Variants in SLC7A8 observed in about 807,000 individuals in gnomAD.
The protein encoded by SLC7A8 is solute carrier family 7 member 8, also known as large neutral amino acids transporter small subunit 2.
A neutral mutation model predicts 51.2 loss-of-function variants in SLC7A8; 30 were observed. The ratio of observed to expected loss-of-function variants is 0.59; its 90% CI spans 0.44 to 0.80. SLC7A8 has a LOEUF of 0.80. Among genes scored for constraint, SLC7A8 ranks in the 30% least tolerant of loss-of-function variants. The pLI is 0.00. For synonymous variants in SLC7A8, 257 were observed against 275.8 expected (o/e 0.93, Z 0.67); for missense variants, 612 against 674.4 (o/e 0.91, Z 1.03).
Position 23,182,911 on chromosome 14 carries a change from C to T in SLC7A8, c.4G>A (p.Glu2Lys), listed in dbSNP as rs754327496. 20 of 1,614,016 alleles carry T rather than the reference C, an allele frequency of 1.2e-5. No homozygotes were observed. The highest frequency in any genetic ancestry group is 1.7e-5 in the Non-Finnish European group (20 of 1,180,016). The change falls in exon 1 of 11, where the codon GAA (glutamate) becomes AAA (lysine). Residue 2 changes from glutamate to lysine, a missense_variant. By Grantham distance (56) the Glu-to-Lys change is moderately conservative. Transcript: ENST00000316902. ...TTGTTTCGGTGCCTGGCTCCTTCTT[C>T]CATCCTTCTCAGTAGGATTGCAACC... Reference protein sequence around the residue: MEEGARHRNNTE... With the variant: MKEGARHRNNTE...
chr14:23,128,345 C>T lies in SLC7A8; in HGVS notation c.1264-149G>A. ...TCCCTCGGCTCTGTGGTCCCACACT[C>T]ACCCCTGGTAGGGCAGGGGCTATAT... On this transcript the variant is annotated intron_variant, in intron 9 of 10. Transcript: ENST00000316902. This position sits in a 1 kb window ranked among gnomAD's most constrained non-coding sequence, Gnocchi z 4.3. 6.5e-7 allele frequency: 1 copy of T among 1,539,964 alleles called. No homozygotes were observed. The highest frequency in any genetic ancestry group is 1.4e-5 in the African/African-American group (1 of 73,182).
intron 7 of SLC7A8, among the ~76,000 whole-genome samples, chr14:23,135,046 C>T (rs2048675946): frequency 1.3e-5 from 2 of 152,132 alleles, no homozygotes; most frequent in Non-Finnish European, 2.9e-5. Context: ...GGATTACAGG[C>T]GTGAGCCACC....
chr14:23,127,035 C>CAT lies in SLC7A8; in HGVS notation c.*141_*142insAT. 1 of 974,606 alleles carries CAT rather than the reference C, an allele frequency of 1.0e-6. No individual in the cohort carries two copies. Among genetic ancestry groups the CAT allele is most frequent in the Non-Finnish European group, 1.5e-6 (1 of 678,396 alleles). 60.4% of individuals were successfully genotyped at this position (974,606 alleles called of 1,614,324 possible). ...ATGTCAGTTTTTGTTTACAATTTCT[C>CAT]ACCACCCACACCAAAGTCCTACCAC... On this transcript the variant is annotated 3_prime_UTR_variant, in exon 11 of 11. Coordinates refer to ENST00000316902, the MANE Select transcript of SLC7A8 (RefSeq NM_012244.4).
intron 1 of SLC7A8, among the ~76,000 whole-genome samples, chr14:23,172,912 A>ATT (rs3831862): frequency 2.0e-5 from 3 of 148,808 alleles, no homozygotes; most frequent in African/African-American, 7.4e-5. Flanking sequence ...AGCCTGGATG[A>ATT]TTTTTTTTTT....
chr14:23,143,242 G>A, intron 3 of SLC7A8, 38 bp from the exon 4 acceptor site: 4 of 1,609,420 alleles, frequency 2.5e-6, no homozygotes, highest in Non-Finnish European at 3.4e-6. Flanking sequence ...TTCAGGGGCT[G>A]TATCTGGCTG....
chr14:23,154,405 C>T, intron 3 of SLC7A8: 1 of 995,458 alleles, frequency 1.0e-6, no homozygotes. Flanking sequence ...GAGGTTGGAG[C>T]CGCTGGGCAG....
intron 7 of SLC7A8, among the ~76,000 whole-genome samples, chr14:23,134,437 C>CAAAAAAAA (rs57162273): frequency 4.8e-4 from 31 of 64,168 alleles, no homozygotes; most frequent in African/African-American, 7.0e-4. Context: ...ACCCTGTCTC[C>CAAAAAAAA]AAAAAAAAAA....
chr14:23,155,233 C>T (rs1210105687), intron 3 of SLC7A8: 2 of 1,535,968 alleles, frequency 1.3e-6, no homozygotes, highest in African/African-American at 1.4e-5. Context: ...GGAAGGGCCT[C>T]TCTCTTCCAA....
intron 1 of SLC7A8, among the ~76,000 whole-genome samples, chr14:23,181,498 C>T (rs1426109606): frequency 1.3e-5 from 2 of 152,036 alleles, no homozygotes; most frequent in African/African-American, 4.8e-5. Context: ...AGAGCTTGGT[C>T]ACTGAAGTTC....
intron 3 of SLC7A8, among the ~76,000 whole-genome samples, chr14:23,148,133 A>G (rs2048814351): frequency 6.6e-6 from 1 of 152,230 alleles, no homozygotes; most frequent in African/African-American, 2.4e-5. Context: ...AGTTGAAGGC[A>G]GAATTATGGC....
Position 23,171,364 on chromosome 14 carries a change from T to G in SLC7A8, c.152-4824A>C, listed in dbSNP as rs372702458. Among the ~76,000 whole-genome samples the G allele has an allele frequency of 5.9e-5, 9 of 152,294 alleles. No individual in the cohort carries two copies. The East Asian group carries it at 1.5e-3, about 26-fold the overall frequency. On this transcript the variant is annotated intron_variant, in intron 1 of 10. Coordinates refer to ENST00000316902, the MANE Select transcript of SLC7A8 (RefSeq NM_012244.4). ...GTTGTCTCAATGGGCAAGTCTTCAC[T>G]AGAAAAATTGCCGGAATTGAGAAAA...
intron 1 of SLC7A8, among the ~76,000 whole-genome samples, chr14:23,170,724 G>T (rs1202686563): frequency 6.6e-6 from 1 of 152,060 alleles, no homozygotes; most frequent in East Asian, 1.9e-4. Context: ...CTCCCAAAGT[G>T]CTGGGATTAC....
At chr14:23,133,462 GAGAA>G (rs2048659758) in intron 7 of SLC7A8, among the ~76,000 whole-genome samples, 1 of 143,162 alleles carries the variant, frequency 7.0e-6, no homozygotes, top group Non-Finnish European at 1.5e-5. Flanking sequence ...AAAAAAAAAA[GAGAA>G]AGAAAAAATT....
Position 23,127,087 on chromosome 14 carries a change from G to A in SLC7A8, c.*90C>T, listed in dbSNP as rs1313635097. The A allele has an allele frequency of 1.4e-6, 2 of 1,459,924 alleles. No individual in the cohort carries two copies. Among genetic ancestry groups the A allele is most frequent in the Admixed American group, 1.7e-5 (1 of 57,560 alleles). The allele number at this position is 1,459,924 out of a possible 1,614,324, so 90.4% of individuals were successfully genotyped here. ...GCCTGACAAAAGCAGAGAGAGGGGT[G>A]TGTGTGTACTCGCATGTGTTGGCAG... On this transcript the variant is annotated 3_prime_UTR_variant, in exon 11 of 11. Transcript: ENST00000316902.
At chr14:23,173,131 C>G (rs1382040847) in intron 1 of SLC7A8, among the ~76,000 whole-genome samples, 1 of 152,156 alleles carries the variant, frequency 6.6e-6, no homozygotes, top group Non-Finnish European at 1.5e-5. Flanking sequence ...TCAATACTCA[C>G]CATGTACTAG....
chr14:23,146,367 A>C (rs1293982898), intron 3 of SLC7A8, among the ~76,000 whole-genome samples: 2 of 152,166 alleles, frequency 1.3e-5, no homozygotes, highest in African/African-American at 4.8e-5. Flanking sequence ...AGGACAACTC[A>C]AAGAAATTCC....
At position 23,128,509 on chromosome 14, in the gene SLC7A8, G is replaced by A; in HGVS notation, c.1264-313C>T. The A allele has an allele frequency of 1.5e-6, 1 of 686,950 alleles. No individual in the cohort carries two copies. The highest frequency in any genetic ancestry group is 1.7e-5 in the South Asian group (1 of 59,858). The allele number at this position is 686,950 out of a possible 1,614,324, so 42.6% of individuals were successfully genotyped here. On this transcript the variant is annotated intron_variant, in intron 9 of 10. Coordinates refer to ENST00000316902, the MANE Select transcript of SLC7A8 (RefSeq NM_012244.4). The surrounding 1 kb of genome is among the most constrained non-coding windows in gnomAD (Gnocchi z 4.3). ...TCATCATGCATGCCATGTGCCCGTG[G>A]CAGCCAGAGAAGCCCACAGGGATGG...
chr14:23,174,600 C>T (rs1478994058), intron 1 of SLC7A8, among the ~76,000 whole-genome samples: 1 of 152,184 alleles, frequency 6.6e-6, no homozygotes, highest in Non-Finnish European at 1.5e-5. Flanking sequence ...GATTATTTTG[C>T]CTCCTAGAAA....
intron 1 of SLC7A8, among the ~76,000 whole-genome samples, chr14:23,166,974 A>T (rs2048953552): frequency 6.6e-6 from 1 of 152,202 alleles, no homozygotes; most frequent in African/African-American, 2.4e-5. Flanking sequence ...TGAAAATGGC[A>T]GGGCTGGAAA....
Sources: gnomAD v4.1 joint callset for allele counts (sites outside exome capture counted in the v4.1 genomes callset) on GRCh38, gnomAD v4.1.1 for gene constraint, Gnocchi (gnomAD v3.1) non-coding constraint, MANE v1.5 for transcripts, NCBI Gene and HGNC (gene_info 2026-07-23, HGNC 2026-07-21) for gene names.